Variants in SLC17A8 observed in about 807,000 individuals in gnomAD.
SLC17A8 encodes solute carrier family 17 member 8.
Under a neutral mutation model 58.0 loss-of-function variants are expected in SLC17A8, and 31 were observed. The ratio of observed to expected loss-of-function variants is 0.53; its 90% confidence interval spans 0.40 to 0.72. The LOEUF is 0.72. SLC17A8 is among the 30% of genes least tolerant of loss of function. The probability of loss-of-function intolerance (pLI) is 0.00; values close to 1 mark genes in which losing one functional copy is unlikely to be tolerated. For synonymous variants in SLC17A8, 228 were observed against 249.0 expected, an observed-to-expected ratio of 0.92 and a Z score of 0.79; for missense variants, 655 against 727.8, an observed-to-expected ratio of 0.90 and a Z score of 1.15.
chr12:100,396,340 A>G lies in SLC17A8; in HGVS notation c.599A>G (p.Tyr200Cys). 6.2e-7 allele frequency: 1 copy of G among 1,613,972 alleles called. No individual in the cohort carries two copies. Among genetic ancestry groups the G allele is most frequent in the Non-Finnish European group, 8.5e-7 (1 of 1,179,874 alleles). The change falls in exon 5 of 12, where the codon TAC becomes TGC. Residue 200 changes from tyrosine (Y) to cysteine (C), a missense_variant. Tyr to Cys is a radical substitution (Grantham distance 194). Transcript: ENST00000323346. ...CAACTCTTCTGCCAGGGTGTGACCT[A>G]CCCAGCCTGCCATGGGATGTGGAGT... is the stretch of plus-strand genomic sequence containing the variant. ...ILQGLVEGVTYPACHGMWSKW... is the reference protein window; with the variant it reads ...ILQGLVEGVTCPACHGMWSKW...
rs548510208 is a variant in SLC17A8, at chr12:100,365,020, T to C, written c.101+7528T>C. Among the ~76,000 whole-genome samples, 3 of 152,276 alleles carry C rather than the reference T, an allele frequency of 2.0e-5. No individual in the cohort carries two copies. In the South Asian group the frequency reaches 6.2e-4, roughly 32 times the overall value. The stretch of plus-strand genomic sequence containing the variant: ...ACAGGTGTGAGCTCATGGAGAGGCA[T>C]TGGTATAGTAGATATAGGTCAGGTG... On this transcript the variant is annotated intron_variant, in intron 1 of 11. Transcript: ENST00000323346.
intron 10 of SLC17A8, 82 bp from the exon 11 acceptor site, chr12:100,417,947 G>T (rs1566406415): frequency 3.2e-6 from 5 of 1,573,180 alleles, no homozygotes; most frequent in East Asian, 4.5e-5. Flanking sequence ...GATTGGTAAA[G>T]GCTGGGGCAA....
intron 1 of SLC17A8, among the ~76,000 whole-genome samples, chr12:100,374,344 G>T (rs1446855919): frequency 1.4e-4 from 22 of 152,172 alleles, no homozygotes; most frequent in Non-Finnish European, 5.9e-5. Context: ...AGGCATAGTG[G>T]TTCACACCTA....
rs4015906 is a variant in SLC17A8 at position 100,404,502 on chromosome 12, GCA to G, written c.1186+362_1186+363del. 4.1e-3 allele frequency: 945 copies of G among 232,502 alleles called. 2 individuals carry two copies. Among genetic ancestry groups the G allele is most frequent in the East Asian group, 8.7e-3 (91 of 10,450 alleles). 14.4% of individuals were successfully genotyped at this position (232,502 alleles called of 1,614,324 possible). ...GCCTATGCTTGTGCATGGGATATAT[GCA>G]CACACACACACACACACACACACAC... On this transcript the variant is annotated intron_variant, in intron 9 of 11. Coordinates refer to ENST00000323346, the MANE Select transcript of SLC17A8 (RefSeq NM_139319.3).
At chr12:100,419,703 A>T in intron 11 of SLC17A8, 112 bp from the exon 12 acceptor site, 1 of 1,025,130 alleles carries the variant, frequency 9.8e-7, no homozygotes, top group Non-Finnish European at 1.5e-6. Context: ...GAGCCTCTAG[A>T]GCATCACCTT....
At chr12:100,398,138 C>T (rs1235882997) in intron 5 of SLC17A8, among the ~76,000 whole-genome samples, 1 of 152,134 alleles carries the variant, frequency 6.6e-6, no homozygotes, top group Non-Finnish European at 1.5e-5. Context: ...CTTTTACCTC[C>T]TTGAAATAAT....
intron 1 of SLC17A8, among the ~76,000 whole-genome samples, chr12:100,361,115 C>G (rs1381094047): frequency 1.3e-5 from 2 of 152,302 alleles, no homozygotes; most frequent in East Asian, 3.9e-4. Flanking sequence ...TACTTCCCTG[C>G]CTGCATGACC....
chr12:100,409,893 GGAA>G (rs1270940660), intron 9 of SLC17A8, among the ~76,000 whole-genome samples: 2 of 152,110 alleles, frequency 1.3e-5, no homozygotes, highest in Non-Finnish European at 2.9e-5. Context: ...GATGAGGGCT[GGAA>G]GAAGATGAAA....
chr12:100,387,502 T>C (rs1952684677), intron 2 of SLC17A8, among the ~76,000 whole-genome samples: 1 of 152,210 alleles, frequency 6.6e-6, no homozygotes, highest in Admixed American at 6.5e-5. Flanking sequence ...CTCTTCTTCA[T>C]GTATTATTTC....
chr12:100,395,600 C>T (rs1346342238), intron 4 of SLC17A8, among the ~76,000 whole-genome samples: 3 of 151,740 alleles, frequency 2.0e-5, no homozygotes, highest in African/African-American at 7.3e-5. Flanking sequence ...GTTGGGATTA[C>T]AAGCATAAGC....
chr12:100,413,066 A>T (rs1051463647), intron 10 of SLC17A8, among the ~76,000 whole-genome samples, 186 bp downstream of exon 10: 3 of 152,118 alleles, frequency 2.0e-5, no homozygotes, highest in African/African-American at 7.2e-5. Context: ...TGGGCTTGGG[A>T]GCTCAGTTAA....
chr12:100,412,396 A>G (rs1202502021), intron 9 of SLC17A8, among the ~76,000 whole-genome samples: 2 of 152,072 alleles, frequency 1.3e-5, no homozygotes, highest in African/African-American at 4.8e-5. Context: ...GGAGGGGATC[A>G]TCACACACTG....
At chr12:100,357,515 AGTT>A in intron 1 of SLC17A8, 23 bp downstream of exon 1, 1 of 1,488,688 alleles carries the variant, frequency 6.7e-7, no homozygotes, top group Non-Finnish European at 9.4e-7. Flanking sequence ...TGCGAACTTT[AGTT>A]CCTTTCTGAG....
intron 9 of SLC17A8, among the ~76,000 whole-genome samples, chr12:100,410,413 C>G (rs551484783): frequency 6.6e-6 from 1 of 151,170 alleles, no homozygotes; most frequent in African/African-American, 2.4e-5. Context: ...GAGAAGGGCA[C>G]GAACCCGGGA....
At position 100,391,134 on chromosome 12, in the gene SLC17A8, T is replaced by C. The variant is rs370785081; in HGVS notation, c.473+15T>C. 7 of 1,506,766 alleles carry C rather than the reference T, an allele frequency of 4.6e-6. No individual in the cohort carries two copies. The highest frequency in any genetic ancestry group is 2.7e-5 in the African/African-American group (2 of 72,768). 93.3% of individuals were successfully genotyped at this position (1,506,766 alleles called of 1,614,324 possible). A position where few individuals can be genotyped will look rare whatever the true frequency, so the allele number is the denominator to read the frequency against. On this transcript the variant is annotated intron_variant, in intron 3 of 11. Transcript: ENST00000323346. ...GCTGCTAACAGGTAAGATAAATTGA[T>C]ATAACATGATACAAACCAATGAAAT...
At chr12:100,376,697 A>G (rs1952596890) in intron 1 of SLC17A8, among the ~76,000 whole-genome samples, 1 of 152,196 alleles carries the variant, frequency 6.6e-6, no homozygotes, top group Admixed American at 6.5e-5. Context: ...GAGGGAGAGA[A>G]CTGAATTTGC....
intron 1 of SLC17A8, among the ~76,000 whole-genome samples, chr12:100,376,458 G>A (rs1952595352): frequency 6.6e-6 from 1 of 152,198 alleles, no homozygotes. Flanking sequence ...GGCCTGGTGT[G>A]CTGGGAACAC....
At chr12:100,371,824 C>T (rs1003047734) in intron 1 of SLC17A8, among the ~76,000 whole-genome samples, 1 of 152,212 alleles carries the variant, frequency 6.6e-6, no homozygotes, top group Non-Finnish European at 1.5e-5. Flanking sequence ...GTTGGGATTA[C>T]AGCCGTGAGC....
intron 9 of SLC17A8, among the ~76,000 whole-genome samples, chr12:100,409,489 C>T (rs1000505008): frequency 6.6e-6 from 1 of 152,058 alleles, no homozygotes; most frequent in Non-Finnish European, 1.5e-5. Flanking sequence ...CCTGGCCAAA[C>T]GTTATTTATT....
Sources: allele counts gnomAD v4.1 joint callset (sites outside exome capture counted in the v4.1 genomes callset), GRCh38; gene constraint gnomAD v4.1.1; transcripts MANE v1.5; gene names NCBI Gene and HGNC (gene_info 2026-07-23, HGNC 2026-07-21).